Variants in DGLUCY observed in about 807,000 individuals in gnomAD.
DGLUCY encodes the protein D-glutamate cyclase, mitochondrial.
A neutral mutation model predicts 58.5 loss-of-function variants in DGLUCY; 58 were observed. That is an observed-to-expected ratio of 0.99 (90% CI 0.80 to 1.23). The LOEUF (loss-of-function observed/expected upper bound fraction) is 1.23. DGLUCY is among the 50% of genes most tolerant of loss of function. The probability of loss-of-function intolerance (pLI) is 0.00; values close to 1 mark genes in which losing one functional copy is unlikely to be tolerated. For missense variants in DGLUCY, 779 were observed against 784.7 expected (o/e 0.99, Z 0.09); for synonymous variants, 325 against 314.1 (o/e 1.03, Z -0.37).
intron 1 of DGLUCY, among the ~76,000 whole-genome samples, chr14:91,072,323 C>CAA (rs113763715): frequency 7.7e-6 from 1 of 129,660 alleles, no homozygotes; most frequent in Non-Finnish European, 1.7e-5. Context: ...GACTCTGTCT[C>CAA]AAAAAAAAAA....
At chr14:91,107,800 C>T (rs1416735973), upstream of DGLUCY, among the ~76,000 whole-genome samples, 1 of 152,006 alleles carries the variant, frequency 6.6e-6, no homozygotes, top group Non-Finnish European at 1.5e-5. Flanking sequence ...TAAAGCAGGT[C>T]CAGAGGGATG....
chr14:91,121,571 C>T (rs1185762776), intron 1 of DGLUCY, among the ~76,000 whole-genome samples: 1 of 150,774 alleles, frequency 6.6e-6, no homozygotes, highest in Non-Finnish European at 1.5e-5. Context: ...CGCGCCACTG[C>T]ACTCCAGCCT....
intron 1 of DGLUCY, among the ~76,000 whole-genome samples, chr14:91,142,984 C>A (rs113056691): frequency 0.031 from 3,964 of 129,502 alleles, 90 homozygotes; most frequent in Non-Finnish European, 0.045. Flanking sequence ...GAGCCGAGAT[C>A]GTGCTACTGC....
intron 1 of DGLUCY, among the ~76,000 whole-genome samples, chr14:91,153,292 C>T (rs951762734): frequency 6.6e-6 from 1 of 152,180 alleles, no homozygotes; most frequent in Non-Finnish European, 1.5e-5. Flanking sequence ...AAGCGAGTCT[C>T]GTGCCTCAGC....
At chr14:91,105,250 C>A (rs1020619697), upstream of DGLUCY, among the ~76,000 whole-genome samples, 2 of 151,846 alleles carry the variant, frequency 1.3e-5, no homozygotes, top group African/African-American at 2.4e-5. Context: ...AGGAGGTGAA[C>A]GTTGCAGTGA....
chr14:91,211,678 T>A (rs1339189904), intron 12 of DGLUCY, among the ~76,000 whole-genome samples: 2 of 152,242 alleles, frequency 1.3e-5, no homozygotes, highest in Non-Finnish European at 2.9e-5. Context: ...TCCTTTACAA[T>A]AATAAACTCA....
intron 11 of DGLUCY, among the ~76,000 whole-genome samples, chr14:91,202,547 G>T (rs1388035250): frequency 1.3e-5 from 2 of 151,486 alleles, no homozygotes; most frequent in Non-Finnish European, 2.9e-5. Flanking sequence ...ACACAGTGCG[G>T]TTGGCTTCCA....
chr14:91,123,013 C>T (rs2045475768), intron 1 of DGLUCY, among the ~76,000 whole-genome samples: 1 of 152,040 alleles, frequency 6.6e-6, no homozygotes, highest in Non-Finnish European at 1.5e-5. Flanking sequence ...AGACACAGTC[C>T]CTGTCTTTCG....
At position 91,225,043 on chromosome 14, in the gene DGLUCY, T is replaced by C. The variant is rs1478449407; in HGVS notation, c.*210T>C. ...AAGGACAACATTTCTCTGGGGCTTT[T>C]TAACTTTTATTCCTAAGACTCTAAA... On this transcript the variant is annotated 3_prime_UTR_variant, in exon 14 of 14. Transcript: ENST00000256324. 4.2e-6 allele frequency: 2 copies of C among 481,902 alleles called. No homozygotes were observed. Among genetic ancestry groups the C allele is most frequent in the Non-Finnish European group, 6.9e-6 (2 of 289,430 alleles). 29.9% of individuals were successfully genotyped at this position (481,902 alleles called of 1,614,324 possible). A position where few individuals can be genotyped will look rare whatever the true frequency, so the allele number is the denominator to read the frequency against.
At chr14:91,157,063 G>A (rs867611838) in intron 1 of DGLUCY, among the ~76,000 whole-genome samples, 7 of 149,384 alleles carry the variant, frequency 4.7e-5, no homozygotes, top group African/African-American at 9.9e-5. Context: ...GGGTGAGTGG[G>A]TGGATGGATG....
intron 9 of DGLUCY, 85 bp downstream of exon 9, chr14:91,189,255 G>A (rs2049719188): frequency 2.0e-6 from 3 of 1,531,872 alleles, no homozygotes; most frequent in Middle Eastern, 2.2e-4. Context: ...GCAGTACAGA[G>A]CATTCTCCTT....
chr14:91,138,547 G>A (rs1428577164), intron 1 of DGLUCY, among the ~76,000 whole-genome samples: 3 of 152,196 alleles, frequency 2.0e-5, no homozygotes, highest in Non-Finnish European at 4.4e-5. Flanking sequence ...ATAAAGGAAA[G>A]AGGTCTAATC....
At chr14:91,168,283 A>C (rs2048389691) in intron 4 of DGLUCY, among the ~76,000 whole-genome samples, 1 of 151,638 alleles carries the variant, frequency 6.6e-6, no homozygotes, top group East Asian at 1.9e-4. Flanking sequence ...TATATATAAA[A>C]TAAAATAAAA....
chr14:91,091,862 A>T (rs926850376), intron 1 of DGLUCY, among the ~76,000 whole-genome samples: 10 of 152,122 alleles, frequency 6.6e-5, no homozygotes, highest in Admixed American at 1.3e-4. Context: ...GCATTTTGGG[A>T]CACGGCCTTC....
At position 91,181,376 on chromosome 14, in the gene DGLUCY, C is replaced by T. The variant is rs138171068; in HGVS notation, c.921C>T (p.Ile307=). The change falls in exon 8 of 14, where the codon ATC becomes ATT. Residue 307 remains isoleucine, a synonymous_variant. Coordinates refer to ENST00000256324, the MANE Select transcript of DGLUCY (RefSeq NM_001102368.3). ...SQKIRELESM[I]GIDPGNRGIG... Reference sequence around the variant, plus strand: ...AGATCAGAGAACTAGAGTCTATGATCGGCATAGACCCAGGTAAGAAACAAC... The same window carrying T: ...AGATCAGAGAACTAGAGTCTATGATTGGCATAGACCCAGGTAAGAAACAAC... 5.9e-5 allele frequency: 95 copies of T among 1,612,960 alleles called. No individual in the cohort carries two copies. The highest frequency in any genetic ancestry group is 1.6e-4 in the South Asian group (15 of 91,060).
intron 1 of DGLUCY, among the ~76,000 whole-genome samples, chr14:91,096,106 C>T (rs115163081): frequency 7.7e-4 from 118 of 152,276 alleles, no homozygotes; most frequent in African/African-American, 2.7e-3. Flanking sequence ...TCTTTGTCAT[C>T]TCCTCACTTT....
Position 91,200,833 on chromosome 14 carries a change from C to A in DGLUCY, c.1444+928C>A, listed in dbSNP as rs189598964. On this transcript the variant is annotated intron_variant, in intron 11 of 13. Coordinates refer to ENST00000256324, the MANE Select transcript of DGLUCY (RefSeq NM_001102368.3). ...TCACCTGGGTGCAGGCAGGCTGAGT[C>A]CGAAAAAGGAGTCAGCGAAGGGTCG... Among the ~76,000 whole-genome samples, 173 of 152,170 alleles carry A rather than the reference C, an allele frequency of 1.1e-3. 1 individual carries two copies. Among genetic ancestry groups the A allele is most frequent in the Middle Eastern group, 3.4e-3 (1 of 294 alleles).
intron 3 of DGLUCY, among the ~76,000 whole-genome samples, chr14:91,166,141 C>G (rs1225589117): frequency 6.6e-6 from 1 of 152,194 alleles, no homozygotes; most frequent in African/African-American, 2.4e-5. Flanking sequence ...GTATGTGGTG[C>G]TAGAAGTCAG....
chr14:91,157,119 G>GTGGATGGATGGATGGGTGGA (rs2047674864), intron 1 of DGLUCY, among the ~76,000 whole-genome samples: 1 of 131,054 alleles, frequency 7.6e-6, no homozygotes, highest in South Asian at 2.6e-4. Flanking sequence ...GGATGGATGG[G>GTGGATGGATGGATGGGTGGA]TGGATGGATG....
Sources: gnomAD v4.1 joint callset for allele counts (sites outside exome capture counted in the v4.1 genomes callset) on GRCh38, gnomAD v4.1.1 for gene constraint, MANE v1.5 for transcripts, NCBI Gene and HGNC (gene_info 2026-07-23, HGNC 2026-07-21) for gene names.